Variants in TBC1D22A observed in about 807,000 individuals in gnomAD.
The protein encoded by TBC1D22A is putative GTPase activator.
Under a neutral mutation model 60.2 loss-of-function variants are expected in TBC1D22A, and 38 were observed. The observed-to-expected ratio is 0.63, with a 90% CI of 0.49 to 0.83. The LOEUF is 0.83. Among genes scored for constraint, TBC1D22A ranks in the 40% least tolerant of loss-of-function variants. TBC1D22A has a pLI of 0.00. For missense variants in TBC1D22A, 628 were observed against 701.0 expected (o/e 0.90, Z 1.18); for synonymous variants, 302 against 281.7 (o/e 1.07, Z -0.72).
At chr22:47,127,301 C>T (rs1213310442) in intron 12 of TBC1D22A, among the ~76,000 whole-genome samples, 1 of 147,694 alleles carries the variant, frequency 6.8e-6, no homozygotes, top group Non-Finnish European at 1.5e-5. Context: ...GATCTTGGCT[C>T]ACTGCAACCT....
intron 11 of TBC1D22A, among the ~76,000 whole-genome samples, chr22:47,109,524 C>T (rs2065767302): frequency 1.3e-5 from 2 of 152,130 alleles, no homozygotes; most frequent in African/African-American, 4.8e-5. Flanking sequence ...TATTTCTGGC[C>T]CGAATCACTA....
chr22:47,081,176 CTTGCAAGG>C (rs1378544446), intron 11 of TBC1D22A, among the ~76,000 whole-genome samples: 1 of 151,022 alleles, frequency 6.6e-6, no homozygotes, highest in Admixed American at 6.6e-5. Context: ...TTGTTCTAGG[CTTGCAAGG>C]TTGCTTTACC....
At chr22:46,766,692 T>C (rs1020334814) in intron 1 of TBC1D22A, among the ~76,000 whole-genome samples, 2 of 152,126 alleles carry the variant, frequency 1.3e-5, no homozygotes, top group East Asian at 3.9e-4. Flanking sequence ...CCCACCACCA[T>C]GCCCAGCTAA....
intron 7 of TBC1D22A, among the ~76,000 whole-genome samples, chr22:46,902,778 C>G (rs1233363742): frequency 6.6e-6 from 1 of 150,476 alleles, no homozygotes; most frequent in Admixed American, 6.6e-5. Context: ...CCGAAGAACA[C>G]CAGCAGACAG....
intron 4 of TBC1D22A, among the ~76,000 whole-genome samples, chr22:46,829,606 A>G (rs1436652903): frequency 2.0e-5 from 3 of 152,250 alleles, no homozygotes; most frequent in Non-Finnish European, 2.9e-5. Flanking sequence ...ATCTTACTGC[A>G]TAATTTATGA....
chr22:47,167,928 C>T (rs1176897442), intron 12 of TBC1D22A, among the ~76,000 whole-genome samples: 1 of 152,172 alleles, frequency 6.6e-6, no homozygotes, highest in Non-Finnish European at 1.5e-5. Context: ...GGGGACCCAT[C>T]CCTGTCTGTC....
chr22:46,964,834 T>A (rs1602697556), intron 8 of TBC1D22A, among the ~76,000 whole-genome samples: 1 of 152,212 alleles, frequency 6.6e-6, no homozygotes, highest in Non-Finnish European at 1.5e-5. Context: ...GGCAAGGCCA[T>A]GCCTGTTGAG....
intron 8 of TBC1D22A, among the ~76,000 whole-genome samples, chr22:46,920,120 G>T (rs2070664158): frequency 6.6e-6 from 1 of 150,390 alleles, no homozygotes; most frequent in Non-Finnish European, 1.5e-5. Context: ...TTGCTCTATT[G>T]CCTAGGCTAA....
chr22:47,056,521 A>G (rs2148459660), intron 11 of TBC1D22A, among the ~76,000 whole-genome samples: 1 of 152,040 alleles, frequency 6.6e-6, no homozygotes, highest in Non-Finnish European at 1.5e-5. Context: ...GCCCCGTGCC[A>G]TCCGTCACCA....
chr22:46,885,307 G>C (rs1337775417), intron 5 of TBC1D22A, among the ~76,000 whole-genome samples: 2 of 152,188 alleles, frequency 1.3e-5, no homozygotes, highest in Non-Finnish European at 2.9e-5. Context: ...CAGGTTAGGA[G>C]CTGGGGCTTG....
At chr22:46,835,665 C>T (rs2086485357) in intron 4 of TBC1D22A, among the ~76,000 whole-genome samples, 1 of 152,106 alleles carries the variant, frequency 6.6e-6, no homozygotes, top group Non-Finnish European at 1.5e-5. Flanking sequence ...GGGCAGAAAG[C>T]TTCTTTAAAG....
At chr22:46,915,893 G>A in intron 8 of TBC1D22A, 1 of 451,094 alleles carries the variant, frequency 2.2e-6, no homozygotes, top group Admixed American at 2.4e-5. Flanking sequence ...CTGGCTGTCA[G>A]TGGGAGGTTC....
chr22:47,030,101 A>G (rs919900689), intron 10 of TBC1D22A, among the ~76,000 whole-genome samples: 3 of 152,220 alleles, frequency 2.0e-5, no homozygotes, highest in South Asian at 4.1e-4. Context: ...GGCCCTGCTC[A>G]CTGTCAGTGG....
At chr22:46,908,295 C>T (rs79364469) in intron 7 of TBC1D22A, among the ~76,000 whole-genome samples, 8,196 of 152,100 alleles carry the variant, frequency 0.054, 618 homozygotes, top group African/African-American at 0.16. Flanking sequence ...GTGGTGATGG[C>T]GTGTGGGGTC....
At chr22:47,084,474 C>T (rs531578964) in intron 11 of TBC1D22A, among the ~76,000 whole-genome samples, 9 of 152,280 alleles carry the variant, frequency 5.9e-5, no homozygotes, top group East Asian at 1.9e-4. Context: ...ATGCAGGAGG[C>T]GGGGCCCAGC....
At chr22:47,053,138 C>A (rs2063282025) in intron 11 of TBC1D22A, among the ~76,000 whole-genome samples, 1 of 151,924 alleles carries the variant, frequency 6.6e-6, no homozygotes, top group Non-Finnish European at 1.5e-5. Context: ...CACCACCAGC[C>A]CAGGGCCTCA....
intron 11 of TBC1D22A, among the ~76,000 whole-genome samples, chr22:47,105,888 C>T (rs906674626): frequency 6.6e-6 from 1 of 151,966 alleles, no homozygotes; most frequent in African/African-American, 2.4e-5. Flanking sequence ...TGAAAACAGA[C>T]TGCAGAAAGA....
rs1417409433 is a variant in TBC1D22A, at chr22:46,856,591, C to T, written c.638-22062C>T. Reference sequence around the variant, plus strand: ...GAAGGAAAAAAACAGTGTAATTAGACCTTGTGAAGTGACTAACAAATGATT... The same window carrying T: ...GAAGGAAAAAAACAGTGTAATTAGATCTTGTGAAGTGACTAACAAATGATT... On this transcript the variant is annotated intron_variant, in intron 4 of 12. Transcript: ENST00000337137. Among the ~76,000 whole-genome samples the T allele has an allele frequency of 2.0e-5, 3 of 152,156 alleles. No individual in the cohort carries two copies. In the East Asian group the frequency reaches 5.8e-4, roughly 29 times the overall value.
At chr22:46,946,102 T>A (rs1240291278) in intron 8 of TBC1D22A, among the ~76,000 whole-genome samples, 1 of 152,200 alleles carries the variant, frequency 6.6e-6, no homozygotes, top group Non-Finnish European at 1.5e-5. Context: ...TACACAGCTT[T>A]CCAAAGGGAG....
Sources: gnomAD v4.1 joint callset for allele counts (sites outside exome capture counted in the v4.1 genomes callset) on GRCh38, gnomAD v4.1.1 for gene constraint, MANE v1.5 for transcripts, NCBI Gene and HGNC (gene_info 2026-07-23, HGNC 2026-07-21) for gene names.